VPS13D: variants seen among roughly 807,000 people sequenced by gnomAD.
VPS13D encodes the protein intermembrane lipid transfer protein VPS13D.
In VPS13D, 187 loss-of-function variants were observed where a neutral mutation model predicts 461.9. The observed-to-expected ratio is 0.40, with a 90% CI of 0.36 to 0.46. VPS13D has a LOEUF of 0.46. VPS13D is among the 20% of genes least tolerant of loss of function. The probability of loss-of-function intolerance (pLI) is 0.60; values close to 1 mark genes in which losing one functional copy is unlikely to be tolerated. For missense variants in VPS13D, 4,711 were observed against 5,364.9 expected (o/e 0.88, Z 3.81); for synonymous variants, 1,951 against 1,986.3 (o/e 0.98, Z 0.47).
chr1:12,237,684 G>A (rs1427928148), intron 2 of VPS13D, among the ~76,000 whole-genome samples: 2 of 151,670 alleles, frequency 1.3e-5, no homozygotes, highest in South Asian at 2.1e-4. Flanking sequence ...AAAATTAGCT[G>A]GGTGTTGTGG....
At chr1:12,415,053 C>G in intron 63 of VPS13D, 34 bp from the exon 64 acceptor site, 1 of 1,611,558 alleles carries the variant, frequency 6.2e-7, no homozygotes. Flanking sequence ...CATCATATGA[C>G]TTAAGTATGT....
At position 12,296,777 on chromosome 1, in the gene VPS13D, G is replaced by T. The variant is rs536055668; in HGVS notation, c.6034-2425G>T. Among the ~76,000 whole-genome samples, 12 of 152,168 alleles carry T rather than the reference G, an allele frequency of 7.9e-5. No homozygotes were observed. In the East Asian group the frequency reaches 2.3e-3, roughly 29 times the overall value. On this transcript the variant is annotated intron_variant, in intron 24 of 69. Transcript: ENST00000620676. Reference sequence around the variant, plus strand: ...TGACTCTGCTAAATGTTTTCTGTTAGAATTGTTGTGTGCATTTAAAACAGT... The same window carrying T: ...TGACTCTGCTAAATGTTTTCTGTTATAATTGTTGTGTGCATTTAAAACAGT...
rs769473780 is a variant in VPS13D at position 12,333,474 on chromosome 1, T to G, written c.8428+108T>G. On this transcript the variant is annotated intron_variant, in intron 38 of 69. Transcript: ENST00000620676. Reference sequence around the variant, plus strand: ...CAAATACCTGGGCCTGTACCAGGCATCACTTCTTCATCCTGACTGCTTTCC... The same window carrying G: ...CAAATACCTGGGCCTGTACCAGGCAGCACTTCTTCATCCTGACTGCTTTCC... 3.0e-4 allele frequency: 411 copies of G among 1,366,384 alleles called. 1 individual carries two copies. Among genetic ancestry groups the G allele is most frequent in the Non-Finnish European group, 1.5e-4 (151 of 1,000,292 alleles). 84.6% of individuals were successfully genotyped at this position (1,366,384 alleles called of 1,614,324 possible). A position where few individuals can be genotyped will look rare whatever the true frequency, so the allele number is the denominator to read the frequency against.
At chr1:12,237,297 C>T (rs1424518992) in intron 2 of VPS13D, among the ~76,000 whole-genome samples, 1 of 150,570 alleles carries the variant, frequency 6.6e-6, no homozygotes, top group Non-Finnish European at 1.5e-5. Flanking sequence ...CAAGACTAGC[C>T]TGGGCAATAT....
chr1:12,358,539 G>A lies in VPS13D; in HGVS notation c.10079G>A (p.Ser3360Asn), dbSNP rs993196544. The A allele has an allele frequency of 2.5e-6, 4 of 1,614,082 alleles. No homozygotes were observed. In the African/African-American group the frequency reaches 5.3e-5, roughly 22 times the overall value. Residue 3360 changes from serine (S) to asparagine (N), a missense_variant, in exon 50 of 70, where the codon AGT (serine) becomes AAT (asparagine). Ser to Asn is a conservative substitution (Grantham distance 46). Transcript: ENST00000620676. Reference protein sequence around the residue: ...WCQGFSLDGGSGVRALKVIQQ... With the variant: ...WCQGFSLDGGNGVRALKVIQQ... ...CAGGGCTTCTCCCTGGATGGTGGTA[G>A]TGGTGTCCGAGCTTTGAAAGTCATC...
chr1:12,367,187 C>G (rs1349770230), intron 52 of VPS13D, among the ~76,000 whole-genome samples: 1 of 152,118 alleles, frequency 6.6e-6, no homozygotes, highest in Non-Finnish European at 1.5e-5. Context: ...TTGAAGACTC[C>G]AAGCAAGTTT....
chr1:12,387,278 C>T (rs779363012), intron 60 of VPS13D, among the ~76,000 whole-genome samples: 31 of 152,130 alleles, frequency 2.0e-4, no homozygotes, highest in African/African-American at 3.4e-4. Flanking sequence ...AAGGAAGATC[C>T]GAAAGAATCA....
At chr1:12,489,460 C>T (rs150696968) in intron 67 of VPS13D, among the ~76,000 whole-genome samples, 1 of 152,320 alleles carries the variant, frequency 6.6e-6, no homozygotes, top group African/African-American at 2.4e-5. Flanking sequence ...ATCTTTCTTA[C>T]ATTTTCAATG....
At chr1:12,300,246 T>C (rs1253357251) in intron 25 of VPS13D, among the ~76,000 whole-genome samples, 2 of 150,856 alleles carry the variant, frequency 1.3e-5, no homozygotes, top group Non-Finnish European at 3.0e-5. Flanking sequence ...CTCACTCTGT[T>C]GCCAAGGCTG....
intron 7 of VPS13D, among the ~76,000 whole-genome samples, chr1:12,254,055 A>G (rs1640828093): frequency 6.6e-6 from 1 of 152,222 alleles, no homozygotes; most frequent in African/African-American, 2.4e-5. Context: ...ATACTAGACT[A>G]TAGTTTTCTT....
intron 54 of VPS13D, among the ~76,000 whole-genome samples, chr1:12,370,803 T>C (rs190551408): frequency 1.3e-5 from 2 of 152,350 alleles, no homozygotes; most frequent in East Asian, 1.9e-4. Flanking sequence ...TTATGTTCTA[T>C]AAATTCCAGT....
chr1:12,361,983 C>T (rs1231723505), intron 50 of VPS13D, among the ~76,000 whole-genome samples: 3 of 152,166 alleles, frequency 2.0e-5, no homozygotes, highest in African/African-American at 4.8e-5. Context: ...TTGCCTCAGC[C>T]TCCCGAGTAG....
At chr1:12,315,749 C>T (rs1370134962) in intron 30 of VPS13D, among the ~76,000 whole-genome samples, 1 of 152,112 alleles carries the variant, frequency 6.6e-6, no homozygotes, top group Non-Finnish European at 1.5e-5. Context: ...CCCCATTTTG[C>T]AGTTCATTTG....
At chr1:12,380,488 C>T (rs1296466110) in intron 57 of VPS13D, among the ~76,000 whole-genome samples, 1 of 151,552 alleles carries the variant, frequency 6.6e-6, no homozygotes, top group Non-Finnish European at 1.5e-5. Context: ...AGCCAGTCTA[C>T]CTCATGATAA....
chr1:12,406,108 T>TGATG (rs1339477961), intron 63 of VPS13D, among the ~76,000 whole-genome samples: 1 of 152,060 alleles, frequency 6.6e-6, no homozygotes, highest in East Asian at 1.9e-4. Context: ...AGCAGCCATG[T>TGATG]GATGAGGTGT....
At chr1:12,449,408 T>TA (rs1645233664) in intron 65 of VPS13D, among the ~76,000 whole-genome samples, 1 of 151,824 alleles carries the variant, frequency 6.6e-6, no homozygotes, top group Non-Finnish European at 1.5e-5. Flanking sequence ...TTTTTTTTTT[T>TA]AAATGCCTCT....
At chr1:12,469,050 A>C (rs926416490) in intron 67 of VPS13D, among the ~76,000 whole-genome samples, 9 of 152,002 alleles carry the variant, frequency 5.9e-5, no homozygotes, top group East Asian at 1.9e-4. Flanking sequence ...AAAAAAAAAA[A>C]ACAAAAAACT....
chr1:12,234,418 A>G (rs1640082496), intron 2 of VPS13D, 55 bp downstream of exon 2: 4 of 1,457,228 alleles, frequency 2.7e-6, no homozygotes, highest in Non-Finnish European at 3.8e-6. Context: ...CTATTTTTGT[A>G]TTTTTTTTGT....
At chr1:12,307,614 C>T (rs1642604338) in intron 26 of VPS13D, among the ~76,000 whole-genome samples, 1 of 152,170 alleles carries the variant, frequency 6.6e-6, no homozygotes, top group Non-Finnish European at 1.5e-5. Context: ...CTGCCTCAGC[C>T]TCCTGAGTAG....
Sources: gnomAD v4.1 joint callset for allele counts (sites outside exome capture counted in the v4.1 genomes callset) on GRCh38, gnomAD v4.1.1 for gene constraint, MANE v1.5 for transcripts, NCBI Gene and HGNC (gene_info 2026-07-23, HGNC 2026-07-21) for gene names.